Variants in NFE2L3 observed in about 807,000 individuals in gnomAD.
NFE2L3 encodes NFE2 like bZIP transcription factor 3.
Under a neutral mutation model 23.5 loss-of-function variants are expected in NFE2L3, and 18 were observed. The ratio of observed to expected loss-of-function variants is 0.77; its 90% CI spans 0.53 to 1.13. NFE2L3 has a LOEUF of 1.13. Among genes scored for constraint, NFE2L3 ranks in the 50% most tolerant of loss-of-function variants. The probability of loss-of-function intolerance (pLI) is 0.00; values close to 1 mark genes in which losing one functional copy is unlikely to be tolerated. For synonymous variants in NFE2L3, 424 were observed against 354.5 expected (o/e 1.20, Z -2.20); for missense variants, 1,152 against 877.2 (o/e 1.31, Z -3.96).
intron 1 of NFE2L3, among the ~76,000 whole-genome samples, chr7:26,177,141 T>C (rs370808842): frequency 4.5e-3 from 345 of 76,740 alleles, no homozygotes; most frequent in Middle Eastern, 0.044. Flanking sequence ...AGGCGCTCCT[T>C]ACATCCCAGA....
chr7:26,163,697 T>C (rs1242826401), intron 1 of NFE2L3, among the ~76,000 whole-genome samples: 1 of 152,210 alleles, frequency 6.6e-6, no homozygotes, highest in Non-Finnish European at 1.5e-5. Flanking sequence ...AGGGTACATG[T>C]GCACAACTTG....
rs143500873 is a variant in NFE2L3, at chr7:26,178,023, C to T, written c.651C>T (p.Ala217=). The stretch of plus-strand genomic sequence containing the variant: ...AGGAAAATGAAGAAAGGGTGTCAGC[C>T]CAGAAGGAGAACTCACTTCAGCAGA... ...QHEENEERVS[A]QKENSLQQND... Residue 217 remains alanine (A), a synonymous_variant, in exon 2 of 4, where the codon GCC becomes GCT. Coordinates refer to ENST00000056233, the MANE Select transcript of NFE2L3 (RefSeq NM_004289.7). The T allele has an allele frequency of 6.2e-7, 1 of 1,613,990 alleles. No homozygotes were observed. The highest frequency in any genetic ancestry group is 2.2e-5 in the East Asian group (1 of 44,868).
Position 26,184,972 on chromosome 7 carries a change from C to G in NFE2L3, c.1274C>G (p.Ser425Ter), listed in dbSNP as rs1782441754. The change falls in exon 4 of 4, where the codon TCA (serine) becomes TGA (stop). Residue 425 changes from serine to a stop codon, truncating the protein, a stop_gained. Coordinates refer to ENST00000056233, the MANE Select transcript of NFE2L3 (RefSeq NM_004289.7). LOFTEE classifies it low-confidence loss of function (END_TRUNC). ...TCTGATTCTGGCCTTTCTTTAGATT[C>G]AAGTCACAATAATACCTCTGTCATC... ...PDSDSGLSLDSSHNNTSVIKS... is the reference protein window; with the variant it reads ...PDSDSGLSLD 1 of 1,613,830 alleles carries G rather than the reference C, an allele frequency of 6.2e-7. No homozygotes were observed. The highest frequency in any genetic ancestry group is 8.5e-7 in the Non-Finnish European group (1 of 1,179,812).
chr7:26,160,752 A>C (rs1274918671), intron 1 of NFE2L3, among the ~76,000 whole-genome samples: 1 of 152,252 alleles, frequency 6.6e-6, no homozygotes, highest in East Asian at 1.9e-4. Flanking sequence ...CCACATGTAC[A>C]GAATACCTTC....
chr7:26,165,625 T>TAGGAAAAGAGGAAG (rs1784237105), intron 1 of NFE2L3, among the ~76,000 whole-genome samples: 1 of 152,168 alleles, frequency 6.6e-6, no homozygotes. Flanking sequence ...TTTTCCTAAT[T>TAGGAAAAGAGGAAG]GAATACCCTT....
At chr7:26,160,417 G>A (rs1784150104) in intron 1 of NFE2L3, among the ~76,000 whole-genome samples, 1 of 152,274 alleles carries the variant, frequency 6.6e-6, no homozygotes, top group East Asian at 1.9e-4. Context: ...GGAGAACTGG[G>A]TTCCTGTCTT....
At chr7:26,154,424 C>T (rs1337249129) in intron 1 of NFE2L3, among the ~76,000 whole-genome samples, 1 of 152,198 alleles carries the variant, frequency 6.6e-6, no homozygotes, top group Non-Finnish European at 1.5e-5. Flanking sequence ...GCCACCCACA[C>T]CCGAATGCCA....
At chr7:26,157,026 C>T (rs1307067614) in intron 1 of NFE2L3, among the ~76,000 whole-genome samples, 3 of 152,062 alleles carry the variant, frequency 2.0e-5, no homozygotes, top group Admixed American at 6.6e-5. Context: ...GCAAGAGACT[C>T]GCTTGAACCT....
At chr7:26,183,565 A>G in intron 2 of NFE2L3, 136 bp from the exon 3 acceptor site, 1 of 621,198 alleles carries the variant, frequency 1.6e-6, no homozygotes, top group East Asian at 2.7e-5. Flanking sequence ...AAAAAGTAGA[A>G]CTTCCAACCA....
At chr7:26,175,603 C>T (rs1324020731) in intron 1 of NFE2L3, among the ~76,000 whole-genome samples, 8 of 151,814 alleles carry the variant, frequency 5.3e-5, no homozygotes, top group Non-Finnish European at 1.0e-4. Context: ...TGGTGAAACC[C>T]TGTGTCTACT....
chr7:26,183,981 AGACTAGTCATGGAAAACAGC>A (rs1782406869), intron 3 of NFE2L3, 197 bp downstream of exon 3: 2 of 533,710 alleles, frequency 3.7e-6, no homozygotes. Flanking sequence ...AATCAAATTT[AGACTAGTCATGGAAAACAGC>A]GTGGAGATTT....
At chr7:26,153,322 G>A (rs978972420) in intron 1 of NFE2L3, among the ~76,000 whole-genome samples, 1 of 152,250 alleles carries the variant, frequency 6.6e-6, no homozygotes, top group Admixed American at 6.5e-5. Context: ...CTTTCCTTGT[G>A]TGTGATGGCT....
intron 1 of NFE2L3, among the ~76,000 whole-genome samples, chr7:26,173,250 A>G (rs1223962929): frequency 6.6e-6 from 1 of 152,154 alleles, no homozygotes; most frequent in Non-Finnish European, 1.5e-5. Flanking sequence ...ATTACACTCA[A>G]AAAGTTTCCC....
chr7:26,182,768 A>T (rs1317798452), intron 2 of NFE2L3, among the ~76,000 whole-genome samples: 1 of 152,046 alleles, frequency 6.6e-6, no homozygotes, highest in Non-Finnish European at 1.5e-5. Flanking sequence ...TTTTAAAAAA[A>T]CAAATTGGAG....
Position 26,186,042 on chromosome 7 carries a change from T to A in NFE2L3, c.*259T>A. The A allele has an allele frequency of 3.3e-6, 1 of 305,470 alleles. No individual in the cohort carries two copies. Among genetic ancestry groups the A allele is most frequent in the Non-Finnish European group, 6.0e-6 (1 of 166,898 alleles). The allele number at this position is 305,470 out of a possible 1,614,324, so 18.9% of individuals were successfully genotyped here. A position where few individuals can be genotyped will look rare whatever the true frequency, so the allele number is the denominator to read the frequency against. On this transcript the variant is annotated 3_prime_UTR_variant, in exon 4 of 4. Transcript: ENST00000056233. ...TTCATAGTTATGTCCAAAGAATAGGTTAACATGAAAACCCAGTAAGACTTT... is the reference window on the plus strand; with the variant it reads ...TTCATAGTTATGTCCAAAGAATAGGATAACATGAAAACCCAGTAAGACTTT...
Position 26,182,918 on chromosome 7 carries a change from C to T in NFE2L3, c.751-783C>T, listed in dbSNP as rs941570719. Among the ~76,000 whole-genome samples the T allele has an allele frequency of 3.4e-4, 51 of 152,144 alleles. 1 individual carries two copies. Among genetic ancestry groups the T allele is most frequent in the Admixed American group, 2.0e-4 (3 of 15,278 alleles). ...AGGCAGTCCTCCTGCCTCACCATCC[C>T]GGAGTAGCTGGGACCACAGGTGCAC... On this transcript the variant is annotated intron_variant, in intron 2 of 3. Coordinates refer to ENST00000056233, the MANE Select transcript of NFE2L3 (RefSeq NM_004289.7).
chr7:26,166,440 G>A (rs1188566759), intron 1 of NFE2L3, among the ~76,000 whole-genome samples: 2 of 152,148 alleles, frequency 1.3e-5, no homozygotes, highest in Admixed American at 1.3e-4. Flanking sequence ...GACCTGGAGG[G>A]GCAAAGAAGA....
chr7:26,160,763 A>G (rs571778998), intron 1 of NFE2L3, among the ~76,000 whole-genome samples: 1 of 152,276 alleles, frequency 6.6e-6, no homozygotes, highest in Admixed American at 6.5e-5. Flanking sequence ...GAATACCTTC[A>G]GAGCAACACA....
Position 26,152,541 on chromosome 7 carries a change from C to T in NFE2L3, c.43C>T (p.Leu15=), listed in dbSNP as rs1784012095. 1 of 1,487,156 alleles carries T rather than the reference C, an allele frequency of 6.7e-7. No homozygotes were observed. Among genetic ancestry groups the T allele is most frequent in the Non-Finnish European group, 8.9e-7 (1 of 1,123,280 alleles). The allele number at this position is 1,487,156 out of a possible 1,614,324, so 92.1% of individuals were successfully genotyped here. ...GTGGTGGTCGGCCGGCGGCGGCCTC[C>T]TGCACCTCACCCTCCTGCTGAGCTT... is the stretch of plus-strand genomic sequence containing the variant. ...KRWWSAGGGL[L]HLTLLLSLAG... Residue 15 remains leucine, a synonymous_variant, in exon 1 of 4, where the codon CTG becomes TTG. Transcript: ENST00000056233. This position sits in a 1 kb window ranked among gnomAD's most constrained non-coding sequence, Gnocchi z 4.4.
Sources: allele counts gnomAD v4.1 joint callset (sites outside exome capture counted in the v4.1 genomes callset), GRCh38; gene constraint gnomAD v4.1.1; non-coding constraint Gnocchi (gnomAD v3.1); transcripts MANE v1.5; gene names NCBI Gene and HGNC (gene_info 2026-07-23, HGNC 2026-07-21).